The following ABCB8 variants were observed in gnomAD, a reference collection of about 807,000 sequenced individuals.
ABCB8 encodes the protein mitochondrial potassium channel ATP-binding subunit.
Under a neutral mutation model 73.0 loss-of-function variants are expected in ABCB8, and 52 were observed. The ratio of observed to expected loss-of-function variants is 0.71; its 90% confidence interval spans 0.57 to 0.90. The LOEUF (loss-of-function observed/expected upper bound fraction) is 0.90, where lower values mean the gene tolerates loss of function less well. Among genes scored for constraint, ABCB8 ranks in the 40% least tolerant of loss-of-function variants. The pLI, the probability that ABCB8 is intolerant of heterozygous loss-of-function variation, is 0.00. For missense variants in ABCB8, 909 were observed against 974.6 expected, an observed-to-expected ratio of 0.93 and a Z score of 0.90; for synonymous variants, 428 against 423.5, an observed-to-expected ratio of 1.01 and a Z score of -0.13.
At position 151,041,252 on chromosome 7, in the gene ABCB8, G is replaced by T. The variant is rs1223759364; in HGVS notation, c.1617+20G>T. Reference sequence around the variant, plus strand: ...AGCCAGGTGCGGGGCCACATGGGCAGCCCTTGGCTCCCACTGCCCGTCCTC... The same window carrying T: ...AGCCAGGTGCGGGGCCACATGGGCATCCCTTGGCTCCCACTGCCCGTCCTC... On this transcript the variant is annotated intron_variant, in intron 13 of 15. Transcript: ENST00000358849. 2 of 1,587,298 alleles carry T rather than the reference G, an allele frequency of 1.3e-6. No individual in the cohort carries two copies. Among genetic ancestry groups the T allele is most frequent in the East Asian group, 2.2e-5 (1 of 44,660 alleles).
intron 12 of ABCB8, 38 bp from the exon 13 acceptor site, chr7:151,041,061 A>G (rs564365003): frequency 3.2e-5 from 51 of 1,613,278 alleles, no homozygotes; most frequent in Admixed American, 5.0e-5. Context: ...CAATCCCTAG[A>G]ATCCCTGGCC....
intron 1 of ABCB8, among the ~76,000 whole-genome samples, chr7:151,029,424 C>T (rs1193762563): frequency 2.0e-5 from 3 of 152,028 alleles, no homozygotes; most frequent in Non-Finnish European, 2.9e-5. Context: ...AAACAAGGAC[C>T]CTGAAACTAC....
chr7:151,033,704 A>G lies in ABCB8; in HGVS notation c.195A>G (p.Arg65=). The change falls in exon 2 of 16, where the codon AGA becomes AGG. Residue 65 remains arginine, a synonymous_variant. Coordinates refer to ENST00000358849, the MANE Select transcript of ABCB8 (RefSeq NM_007188.5). ...TCCCTCGAGCCCCCCTAGCTCCCAG[A>G]TGGAGCCCCTCTGCCTGGTGCTGGG... ...AHLPRAPLAP[R]WSPSAWCWVG... 6.2e-7 allele frequency: 1 copy of G among 1,613,606 alleles called. No individual in the cohort carries two copies. The highest frequency in any genetic ancestry group is 8.5e-7 in the Non-Finnish European group (1 of 1,179,826).
chr7:151,037,231 G>C (rs1465494388), intron 9 of ABCB8: 1 of 703,004 alleles, frequency 1.4e-6, no homozygotes, highest in Non-Finnish European at 2.6e-6. Flanking sequence ...ACTCCACATT[G>C]TGTCCTCAGC....
Position 151,031,115 on chromosome 7 carries a change from G to C in ABCB8, c.96-2490G>C, listed in dbSNP as rs1035742580. The C allele has an allele frequency of 6.5e-6, 4 of 618,718 alleles. No individual in the cohort carries two copies. In the African/African-American group the frequency reaches 7.3e-5, roughly 11 times the overall value. The allele number at this position is 618,718 out of a possible 1,614,324, so 38.3% of individuals were successfully genotyped here. On this transcript the variant is annotated intron_variant, in intron 1 of 15. Transcript: ENST00000358849. ...CATTTGCAAAACCCTGTAGTAGTTA[G>C]GTCAGATTGTCCTGCACCTCTAATG...
chr7:151,028,519 C>A lies in ABCB8; in HGVS notation c.4C>A (p.Leu2Met), dbSNP rs1441911354. The A allele has an allele frequency of 6.2e-7, 1 of 1,613,314 alleles. No homozygotes were observed. Among genetic ancestry groups the A allele is most frequent in the Non-Finnish European group, 8.5e-7 (1 of 1,179,758 alleles). The change falls in exon 1 of 16, where the codon CTG becomes ATG. Residue 2 changes from leucine to methionine, a missense_variant. By Grantham distance (15) the Leu-to-Met change is conservative. Coordinates refer to ENST00000358849, the MANE Select transcript of ABCB8 (RefSeq NM_007188.5). ...GCTCCTGTTTTACCGCGTCAGCATG[C>A]TGGTGCATTTATTTCGGGTCGGGAT... The part of the protein sequence containing the change: M[L>M]VHLFRVGIRG...
rs146376716 is a variant in ABCB8, at chr7:151,028,555, C to A, written c.40C>A (p.Pro14Thr). 3 of 1,614,052 alleles carry A rather than the reference C, an allele frequency of 1.9e-6. No homozygotes were observed. Among genetic ancestry groups the A allele is most frequent in the Non-Finnish European group, 2.5e-6 (3 of 1,180,018 alleles). ...HLFRVGIRGG[P>T]FPGRLLPPLR... ...ATTTCGGGTCGGGATTCGGGGTGGCCCATTCCCAGGCAGGCTGCTACCGCC... is the reference window on the plus strand; with the variant it reads ...ATTTCGGGTCGGGATTCGGGGTGGCACATTCCCAGGCAGGCTGCTACCGCC... Residue 14 changes from proline (P) to threonine (T), a missense_variant, in exon 1 of 16, where the codon CCA (proline) becomes ACA (threonine). Transcript: ENST00000358849.
intron 1 of ABCB8, among the ~76,000 whole-genome samples, chr7:151,030,931 C>T (rs1436420880): frequency 1.3e-5 from 2 of 151,036 alleles, no homozygotes; most frequent in East Asian, 3.8e-4. Flanking sequence ...AAGAGTGAGA[C>T]CCTGTCTTGA....
In ABCB8 at chr7:151,035,681, T is replaced by C; in HGVS notation, c.866T>C (p.Met289Thr). Residue 289 changes from methionine (M) to threonine (T), a missense_variant, in exon 6 of 16, where the codon ATG becomes ACG. Physicochemically the swap from Met to Thr is moderately conservative, Grantham distance 81 (BLOSUM62 -1). Transcript: ENST00000358849. ...CTGATGGTGGCCACACCAGCCCTGA[T>C]GGGAGTGGGCACCCTGATGGGCTCA... Reference protein sequence around the residue: ...LLLMVATPALMGVGTLMGSGL... With the variant: ...LLLMVATPALTGVGTLMGSGL... The C allele has an allele frequency of 1.9e-6, 3 of 1,613,700 alleles. No homozygotes were observed. Among genetic ancestry groups the C allele is most frequent in the Non-Finnish European group, 2.5e-6 (3 of 1,180,022 alleles).
Position 151,028,520 on chromosome 7 carries a change from T to TGGTGC in ABCB8, c.6_10dup (p.His4ArgfsTer61). The TGGTGC allele has an allele frequency of 6.2e-7, 1 of 1,613,582 alleles. No homozygotes were observed. Among genetic ancestry groups the TGGTGC allele is most frequent in the East Asian group, 2.2e-5 (1 of 44,860 alleles). On this transcript the variant is annotated frameshift_variant, in exon 1 of 16. Transcript: ENST00000358849. LOFTEE classifies it high-confidence loss of function. ...CTCCTGTTTTACCGCGTCAGCATGC[T>TGGTGC]GGTGCATTTATTTCGGGTCGGGATT...
chr7:151,031,520 C>T, intron 1 of ABCB8: 1 of 486,630 alleles, frequency 2.1e-6, no homozygotes, highest in Non-Finnish European at 3.6e-6. Context: ...AAACCTTTCC[C>T]CATCAGTAAG....
At chr7:151,040,665 G>C (rs749460444) in intron 11 of ABCB8, 31 bp downstream of exon 11, 1 of 1,604,290 alleles carries the variant, frequency 6.2e-7, no homozygotes. Context: ...GTGGGGATGG[G>C]TCCCTGGGCC....
In ABCB8 at chr7:151,042,147, A is replaced by G. The variant is rs1347043434; in HGVS notation, c.1765+39A>G. 4 of 1,606,864 alleles carry G rather than the reference A, an allele frequency of 2.5e-6. No homozygotes were observed. In the African/African-American group the frequency reaches 4.0e-5, roughly 16 times the overall value. On this transcript the variant is annotated intron_variant, in intron 14 of 15. Transcript: ENST00000358849. ...TCTGCCGGGAACCAGGTGGTGAGGC[A>G]CTGGGACACAGGATTCCACAGGAGC...
At chr7:151,033,436 G>C in intron 1 of ABCB8, 169 bp from the exon 2 acceptor site, 1 of 1,404,410 alleles carries the variant, frequency 7.1e-7, no homozygotes, top group African/African-American at 1.4e-5. Context: ...CCATGGACAT[G>C]TCTTAGAAAC....
At chr7:151,037,078 T>C in intron 9 of ABCB8, 1 of 696,924 alleles carries the variant, frequency 1.4e-6, no homozygotes. Flanking sequence ...GAGCGGAAAC[T>C]ATCCCCATGA....
In ABCB8 at chr7:151,041,128, C is replaced by T; in HGVS notation, c.1513C>T (p.Arg505Cys). ...GKTTVASLLE[R>C]FYDPTAGVVM... is the part of the protein sequence containing the mutation. ...GACCACCGTGGCTTCCCTGCTGGAG[C>T]GCTTCTACGACCCCACGGCAGGCGT... Residue 505 changes from arginine (R) to cysteine (C), a missense_variant, in exon 13 of 16, where the codon CGC (arginine) becomes TGC (cysteine). By Grantham distance (180) the Arg-to-Cys change is radical (BLOSUM62 -3). Transcript: ENST00000358849. 3 of 1,613,290 alleles carry T rather than the reference C, an allele frequency of 1.9e-6. No individual in the cohort carries two copies. Among genetic ancestry groups the T allele is most frequent in the South Asian group, 1.1e-5 (1 of 91,086 alleles).
Position 151,034,525 on chromosome 7 carries a change from C to T in ABCB8, c.585C>T (p.Tyr195=). Residue 195 remains tyrosine (Y), a synonymous_variant, in exon 4 of 16, where the codon TAC becomes TAT. Transcript: ENST00000358849. ...CGCAGGGACTGCTGACCTTCGGGTA[C>T]CTGGTGCTGCTGTCCCACGTTGGCG... The part of the protein sequence containing the change: ...YGVQGLLTFG[Y]LVLLSHVGER... The T allele has an allele frequency of 6.2e-7, 1 of 1,613,488 alleles. No individual in the cohort carries two copies.
intron 1 of ABCB8, chr7:151,033,070 A>G (rs755704260): frequency 2.2e-5 from 10 of 456,558 alleles, no homozygotes; most frequent in Non-Finnish European, 4.4e-5. Context: ...AGGTGAGAAT[A>G]ATGGCACCTC....
In ABCB8 at chr7:151,045,238, AG is replaced by A; in HGVS notation, c.2048del (p.Gly683AlafsTer64). 6.3e-7 allele frequency: 1 copy of A among 1,593,478 alleles called. No homozygotes were observed. The highest frequency in any genetic ancestry group is 8.6e-7 in the Non-Finnish European group (1 of 1,169,024). ...AGTHEELLKK[G>X]GLYAELIRRQ... The stretch of plus-strand genomic sequence containing the variant: ...GGACACATGAAGAGCTCCTGAAGAA[AG>A]GCGGGCTATACGCCGAGCTCATCCG... On this transcript the variant is annotated frameshift_variant, in exon 16 of 16. Transcript: ENST00000358849. LOFTEE classifies it low-confidence loss of function (END_TRUNC).
Sources: gnomAD v4.1 joint callset for allele counts (sites outside exome capture counted in the v4.1 genomes callset) on GRCh38, gnomAD v4.1.1 for gene constraint, MANE v1.5 for transcripts, NCBI Gene and HGNC (gene_info 2026-07-23, HGNC 2026-07-21) for gene names.